The following FGF12 variants were observed in gnomAD, a reference collection of about 807,000 sequenced individuals.
The protein encoded by FGF12 is fibroblast growth factor 12.
FGF12 carries 14 observed loss-of-function variants against 23.6 expected under a neutral mutation model. That is an observed-to-expected ratio of 0.59 (90% CI 0.39 to 0.93). The LOEUF is 0.93. FGF12 is among the 40% of genes least tolerant of loss of function. FGF12 has a pLI of 0.00. For missense variants in FGF12, 175 were observed against 217.8 expected, an observed-to-expected ratio of 0.80 and a Z score of 1.24; for synonymous variants, 62 against 77.3, an observed-to-expected ratio of 0.80 and a Z score of 1.04.
chr3:192,705,996 C>G (rs1404514669), intron 2 of FGF12, among the ~76,000 whole-genome samples: 1 of 152,140 alleles, frequency 6.6e-6, no homozygotes, highest in Non-Finnish European at 1.5e-5. Flanking sequence ...ACAGAATGTG[C>G]TTTAGGTGCT....
intron 2 of FGF12, among the ~76,000 whole-genome samples, chr3:192,572,641 A>G (rs1333860191): frequency 6.6e-6 from 1 of 152,132 alleles, no homozygotes; most frequent in Non-Finnish European, 1.5e-5. Flanking sequence ...GACAAATACC[A>G]CTCACTGGGG....
chr3:192,597,443 T>C (rs1008812078), intron 2 of FGF12, among the ~76,000 whole-genome samples: 7 of 152,196 alleles, frequency 4.6e-5, no homozygotes, highest in African/African-American at 1.7e-4. Flanking sequence ...GTGCAACATA[T>C]TGTATTTCCA....
chr3:192,479,981 T>A (rs1346293353), intron 2 of FGF12, among the ~76,000 whole-genome samples: 2 of 149,278 alleles, frequency 1.3e-5, no homozygotes, highest in African/African-American at 5.0e-5. Flanking sequence ...AAATTGGGAT[T>A]GAGAAAGAGA....
chr3:192,521,584 G>A (rs558177557), intron 2 of FGF12, among the ~76,000 whole-genome samples: 8 of 152,228 alleles, frequency 5.3e-5, no homozygotes, highest in Admixed American at 2.0e-4. Flanking sequence ...AATACAAAAT[G>A]GGTGTTTCCA....
Position 192,261,498 on chromosome 3 carries a change from G to T in FGF12, c.228+73863C>A, listed in dbSNP as rs114923588. ...TTGATTACACAAGCTTTTAAGTTTG[G>T]ATTAACACCTTGGACTCCATTCTAA... On this transcript the variant is annotated intron_variant, in intron 4 of 5. Coordinates refer to ENST00000445105, the MANE Select transcript of FGF12 (RefSeq NM_004113.6). 3.7e-3 allele frequency among the ~76,000 whole-genome samples: 568 copies of T among 152,244 alleles called. 7 individuals are homozygous for T. The highest frequency in any genetic ancestry group is 0.01 in the Middle Eastern group (3 of 294).
chr3:192,455,091 T>C (rs1299997350), intron 2 of FGF12, among the ~76,000 whole-genome samples: 1 of 152,204 alleles, frequency 6.6e-6, no homozygotes, highest in African/African-American at 2.4e-5. Context: ...AGCTAAGCCA[T>C]AAGACTTATT....
intron 4 of FGF12, among the ~76,000 whole-genome samples, chr3:192,301,032 AG>A (rs1302098150): frequency 6.6e-6 from 1 of 152,182 alleles, no homozygotes; most frequent in East Asian, 1.9e-4. Context: ...AAGATTGTCC[AG>A]AAATCAGTTA....
chr3:192,166,826 T>C (rs1051079941), intron 5 of FGF12, among the ~76,000 whole-genome samples: 5 of 152,110 alleles, frequency 3.3e-5, no homozygotes, highest in African/African-American at 9.7e-5. Context: ...CTAAAACCAA[T>C]TAAGTTTTTT....
intron 2 of FGF12, among the ~76,000 whole-genome samples, chr3:192,469,286 G>A (rs147556824): frequency 6.6e-6 from 1 of 152,126 alleles, no homozygotes; most frequent in African/African-American, 2.4e-5. Flanking sequence ...GAGTGCCTCT[G>A]TTTCTACACC....
intron 2 of FGF12, among the ~76,000 whole-genome samples, chr3:192,534,908 C>G (rs918152863): frequency 6.6e-6 from 1 of 152,084 alleles, no homozygotes; most frequent in Non-Finnish European, 1.5e-5. Context: ...TACCACCTTA[C>G]TATTGTAAGT....
intron 2 of FGF12, among the ~76,000 whole-genome samples, chr3:192,581,486 GTATA>G (rs71298511): frequency 0.089 from 12,922 of 144,516 alleles, 1,237 homozygotes; most frequent in African/African-American, 0.24. Context: ...GTGTGTGTGT[GTATA>G]TATATATATA....
At position 192,408,299 on chromosome 3, in the gene FGF12, A is replaced by G; in HGVS notation, c.14-47761T>C. The G allele has an allele frequency of 2.7e-6, 4 of 1,464,728 alleles. No individual in the cohort carries two copies. The South Asian group carries it at 4.1e-5, about 15-fold the overall frequency. The allele number at this position is 1,464,728 out of a possible 1,614,324, so 90.7% of individuals were successfully genotyped here. A position where few individuals can be genotyped will look rare whatever the true frequency, so the allele number is the denominator to read the frequency against. Reference sequence around the variant, plus strand: ...TGCGCTCCGCCGGGGCGAGGGCAGGACCTGGGCGGCCAGGGAAAGGGCAGT... The same window carrying G: ...TGCGCTCCGCCGGGGCGAGGGCAGGGCCTGGGCGGCCAGGGAAAGGGCAGT... On this transcript the variant is annotated intron_variant, in intron 2 of 5. Transcript: ENST00000445105. The surrounding 1 kb of genome is among the most constrained non-coding windows in gnomAD (Gnocchi z 7.3).
At chr3:192,394,248 G>A (rs1381910340) in intron 2 of FGF12, among the ~76,000 whole-genome samples, 1 of 152,166 alleles carries the variant, frequency 6.6e-6, no homozygotes, top group Non-Finnish European at 1.5e-5. Flanking sequence ...CCAAACTTAT[G>A]TAATGGTCTA....
chr3:192,496,485 T>C (rs1450665649), intron 2 of FGF12, among the ~76,000 whole-genome samples: 2 of 152,152 alleles, frequency 1.3e-5, no homozygotes, highest in South Asian at 2.1e-4. Flanking sequence ...CTTCTTCTAG[T>C]CAATCTATCT....
At chr3:192,620,021 G>A (rs1309818354) in intron 2 of FGF12, among the ~76,000 whole-genome samples, 2 of 152,044 alleles carry the variant, frequency 1.3e-5, no homozygotes, top group African/African-American at 4.8e-5. Context: ...GATACCCTGT[G>A]GTCATTTGTG....
At chr3:192,694,119 C>T (rs1718031329) in intron 2 of FGF12, among the ~76,000 whole-genome samples, 1 of 152,054 alleles carries the variant, frequency 6.6e-6, no homozygotes, top group Non-Finnish European at 1.5e-5. Context: ...CCAAGGAGGA[C>T]ATAAAAATAT....
intron 4 of FGF12, among the ~76,000 whole-genome samples, chr3:192,275,073 G>A (rs1027291046): frequency 1.3e-5 from 2 of 152,022 alleles, no homozygotes; most frequent in Non-Finnish European, 1.5e-5. Flanking sequence ...CTTTTGTTCA[G>A]TACCTGGCAT....
chr3:192,587,212 C>A (rs73060526), intron 2 of FGF12, among the ~76,000 whole-genome samples: 1 of 151,774 alleles, frequency 6.6e-6, no homozygotes, highest in Non-Finnish European at 1.5e-5. Flanking sequence ...CCACTTAATC[C>A]TCAATGTAGA....
At position 192,539,114 on chromosome 3, in the gene FGF12, C is replaced by T. The variant is rs544133306; in HGVS notation, c.14-178576G>A. On this transcript the variant is annotated intron_variant, in intron 2 of 5. Transcript: ENST00000445105. ...GATAATTTGACTTCATCCTTTCCAG[C>T]GTGGATGCTTTTTATTTCTTTCTCT... 2.8e-4 allele frequency among the ~76,000 whole-genome samples: 43 copies of T among 152,204 alleles called. No individual in the cohort carries two copies. In the East Asian group the frequency reaches 6.4e-3, roughly 23 times the overall value.
Sources: allele counts gnomAD v4.1 joint callset (sites outside exome capture counted in the v4.1 genomes callset), GRCh38; gene constraint gnomAD v4.1.1; non-coding constraint Gnocchi (gnomAD v3.1); transcripts MANE v1.5; gene names NCBI Gene and HGNC (gene_info 2026-07-23, HGNC 2026-07-21).